RNF180: variants seen among roughly 807,000 people sequenced by gnomAD.
RNF180 encodes ring finger protein 180, also known as E3 ubiquitin-protein ligase RNF180.
A neutral mutation model predicts 59.2 loss-of-function variants in RNF180; 38 were observed. The ratio of observed to expected loss-of-function variants is 0.64; its 90% CI spans 0.50 to 0.84. The LOEUF (loss-of-function observed/expected upper bound fraction) is 0.84, where lower values mean the gene tolerates loss of function less well. RNF180 is among the 40% of genes least tolerant of loss of function. The pLI, the probability that RNF180 is intolerant of heterozygous loss-of-function variation, is 0.00. For missense variants in RNF180, 705 were observed against 700.9 expected (o/e 1.01, Z -0.07); for synonymous variants, 262 against 240.3 (o/e 1.09, Z -0.84).
intron 6 of RNF180, among the ~76,000 whole-genome samples, chr5:64,325,847 C>T (rs1276083317): frequency 1.3e-5 from 2 of 152,152 alleles, no homozygotes; most frequent in African/African-American, 2.4e-5. Context: ...ATTTTCTCAA[C>T]CTTCTTAATG....
chr5:64,192,906 T>TAC lies in RNF180; in HGVS notation c.1-7901_1-7900insCA, dbSNP rs1252843503. The stretch of plus-strand genomic sequence containing the variant: ...ATGCATGCAGAAAGTGTGGCATGTA[T>TAC]ATATATATATATATATATATATATA... On this transcript the variant is annotated intron_variant, in intron 1 of 7. Coordinates refer to ENST00000389100, the MANE Select transcript of RNF180 (RefSeq NM_001113561.2). Among the ~76,000 whole-genome samples, 8 of 44,386 alleles carry TAC rather than the reference T, an allele frequency of 1.8e-4. No individual in the cohort carries two copies. The South Asian group carries it at 5.1e-3, about 28-fold the overall frequency. The allele number at this position is 44,386 out of a possible 152,430, so 29.1% of individuals were successfully genotyped here.
At chr5:64,232,574 T>C (rs535314978) in intron 5 of RNF180, among the ~76,000 whole-genome samples, 3 of 152,368 alleles carry the variant, frequency 2.0e-5, no homozygotes, top group Middle Eastern at 3.4e-3. Context: ...TCCTCCTTTA[T>C]GTTACTAGAC....
At chr5:64,212,348 A>G (rs1017447604) in intron 3 of RNF180, among the ~76,000 whole-genome samples, 188 bp downstream of exon 3, 1 of 152,026 alleles carries the variant, frequency 6.6e-6, no homozygotes, top group Non-Finnish European at 1.5e-5. Flanking sequence ...TTTTACGCAC[A>G]CACACACACA....
chr5:64,219,362 T>C (rs529830461), intron 5 of RNF180, among the ~76,000 whole-genome samples: 1 of 138,682 alleles, frequency 7.2e-6, no homozygotes, highest in Non-Finnish European at 1.6e-5. Context: ...CCAATCATTT[T>C]TGAGGATTTT....
chr5:64,358,772 C>T (rs1486718960), intron 7 of RNF180, among the ~76,000 whole-genome samples: 1 of 146,674 alleles, frequency 6.8e-6, no homozygotes, highest in East Asian at 2.0e-4. Context: ...GGTATATCTC[C>T]CAATGCTATC....
intron 5 of RNF180, among the ~76,000 whole-genome samples, chr5:64,264,426 G>A (rs531708723): frequency 1.4e-4 from 21 of 150,762 alleles, no homozygotes; most frequent in African/African-American, 2.7e-4. Context: ...TTCCCCTCCC[G>A]GTGTCCATGT....
rs2055136 is a variant in RNF180, at chr5:64,189,529, G to A, written c.1-11279G>A. Among the ~76,000 whole-genome samples, 111 of 152,308 alleles carry A rather than the reference G, an allele frequency of 7.3e-4. 2 individuals carry two copies. The East Asian group carries it at 0.018, about 25-fold the overall frequency. ...CTGAATTGTATTCTAGTGCTTTGTG[G>A]AAGGTAGAACTTGTGAGTGATGACC... On this transcript the variant is annotated intron_variant, in intron 1 of 7. Transcript: ENST00000389100.
chr5:64,214,545 A>C, intron 4 of RNF180, 28 bp downstream of exon 4: 1 of 1,589,524 alleles, frequency 6.3e-7, no homozygotes, highest in African/African-American at 1.4e-5. Flanking sequence ...AGTTTACTAA[A>C]AATCTGTATT....
chr5:64,193,228 T>C (rs1478761720), intron 1 of RNF180, among the ~76,000 whole-genome samples: 1 of 152,094 alleles, frequency 6.6e-6, no homozygotes, highest in East Asian at 1.9e-4. Flanking sequence ...TACCTATAGT[T>C]AACAGTACAG....
At position 64,200,937 on chromosome 5, in the gene RNF180, A is replaced by AT. The variant is rs759124498; in HGVS notation, c.132dup (p.Lys45Ter). The stretch of plus-strand genomic sequence containing the variant: ...TATGGAGTATCTTGAGAATCAAGTG[A>AT]TTAAGGTGAGTATTGGTAACTCCAG... On this transcript the variant is annotated frameshift_variant, in exon 2 of 8. Transcript: ENST00000389100. LOFTEE classifies it high-confidence loss of function. 40 of 1,613,468 alleles carry AT rather than the reference A, an allele frequency of 2.5e-5. No individual in the cohort carries two copies. The highest frequency in any genetic ancestry group is 2.9e-5 in the Non-Finnish European group (34 of 1,179,672).
intron 7 of RNF180, among the ~76,000 whole-genome samples, chr5:64,333,897 G>A (rs896979573): frequency 1.3e-5 from 2 of 152,172 alleles, no homozygotes; most frequent in African/African-American, 4.8e-5. Context: ...GAGTTATCAG[G>A]TGTCTGGAGT....
intron 1 of RNF180, among the ~76,000 whole-genome samples, chr5:64,199,588 C>T (rs1751630794): frequency 6.6e-6 from 1 of 152,164 alleles, no homozygotes; most frequent in African/African-American, 2.4e-5. Flanking sequence ...GAAAGTTTTA[C>T]TCATTTTCAT....
At chr5:64,245,911 A>T (rs1027964987) in intron 5 of RNF180, among the ~76,000 whole-genome samples, 1 of 152,220 alleles carries the variant, frequency 6.6e-6, no homozygotes, top group Admixed American at 6.5e-5. Context: ...AATCATAACG[A>T]ACAGTCTCTC....
rs143221120 is a variant in RNF180 at position 64,223,644 on chromosome 5, A to G, written c.1227+6248A>G. Reference sequence around the variant, plus strand: ...TTTGTGCCCTTAACCATTATTCCACAGCCTTTCAAGAAAGAAAGTTTTTCT... The same window carrying G: ...TTTGTGCCCTTAACCATTATTCCACGGCCTTTCAAGAAAGAAAGTTTTTCT... On this transcript the variant is annotated intron_variant, in intron 5 of 7. Transcript: ENST00000389100. Among the ~76,000 whole-genome samples, 540 of 152,228 alleles carry G rather than the reference A, an allele frequency of 3.5e-3. 3 individuals carry two copies. The highest frequency in any genetic ancestry group is 0.013 in the African/African-American group (524 of 41,540).
chr5:64,180,541 A>C (rs1375320297), intron 1 of RNF180, among the ~76,000 whole-genome samples: 1 of 152,192 alleles, frequency 6.6e-6, no homozygotes, highest in East Asian at 1.9e-4. Flanking sequence ...AAAATTTACC[A>C]CAAAACCAAA....
intron 5 of RNF180, among the ~76,000 whole-genome samples, chr5:64,291,398 C>T (rs1422590145): frequency 6.9e-6 from 1 of 145,544 alleles, no homozygotes; most frequent in African/African-American, 2.6e-5. Context: ...TCCTGGATGG[C>T]ATTCTGAAGT....
At chr5:64,305,370 C>G (rs1165382139) in intron 5 of RNF180, among the ~76,000 whole-genome samples, 3 of 151,546 alleles carry the variant, frequency 2.0e-5, no homozygotes, top group Non-Finnish European at 3.0e-5. Context: ...AGATTCTTCT[C>G]TTTCTTCCTT....
intron 7 of RNF180, among the ~76,000 whole-genome samples, chr5:64,351,144 C>T (rs1197574125): frequency 2.6e-5 from 4 of 152,018 alleles, no homozygotes; most frequent in South Asian, 2.1e-4. Context: ...AAGTTGGATT[C>T]CTAGGTATTT....
At chr5:64,338,631 T>A (rs1172944589) in intron 7 of RNF180, among the ~76,000 whole-genome samples, 2 of 144,478 alleles carry the variant, frequency 1.4e-5, no homozygotes, top group African/African-American at 5.3e-5. Context: ...CGAGACTCCA[T>A]CTCAAAAAAA....
Sources: gnomAD v4.1 joint callset for allele counts (sites outside exome capture counted in the v4.1 genomes callset) on GRCh38, gnomAD v4.1.1 for gene constraint, MANE v1.5 for transcripts, NCBI Gene and HGNC (gene_info 2026-07-23, HGNC 2026-07-21) for gene names.